The following LUZP2 variants were observed in gnomAD, a reference collection of about 807,000 sequenced individuals.
LUZP2 encodes the protein leucine zipper protein 2.
Under a neutral mutation model 51.6 loss-of-function variants are expected in LUZP2, and 52 were observed. That is an observed-to-expected ratio of 1.01 (90% confidence interval 0.81 to 1.27). The LOEUF (loss-of-function observed/expected upper bound fraction) is 1.27. Ranked by LOEUF, LUZP2 falls within the 50% of genes most tolerant of loss-of-function variation. The probability of loss-of-function intolerance (pLI) is 0.00; values close to 1 mark genes in which losing one functional copy is unlikely to be tolerated. For synonymous variants in LUZP2, 154 were observed against 137.3 expected (o/e 1.12, Z -0.85); for missense variants, 436 against 395.4 (o/e 1.10, Z -0.87).
At chr11:24,842,497 A>G (rs1183485474) in intron 5 of LUZP2, among the ~76,000 whole-genome samples, 1 of 151,906 alleles carries the variant, frequency 6.6e-6, no homozygotes, top group African/African-American at 2.4e-5. Flanking sequence ...TGCACAACCA[A>G]CAAGGCGAAT....
chr11:24,664,988 G>A (rs1282970106), intron 1 of LUZP2, among the ~76,000 whole-genome samples: 1 of 152,124 alleles, frequency 6.6e-6, no homozygotes, highest in African/African-American at 2.4e-5. Context: ...CCAGACCCCA[G>A]AATGGTACAT....
At chr11:24,688,388 C>A (rs1467575654) in intron 1 of LUZP2, among the ~76,000 whole-genome samples, 2 of 152,068 alleles carry the variant, frequency 1.3e-5, no homozygotes, top group African/African-American at 2.4e-5. Flanking sequence ...GTTTTGGAAG[C>A]ACTGGGGAAC....
intron 1 of LUZP2, among the ~76,000 whole-genome samples, chr11:24,642,671 A>G (rs1855330303): frequency 6.6e-6 from 1 of 151,872 alleles, no homozygotes; most frequent in Admixed American, 6.5e-5. Flanking sequence ...AAGAGAGTGT[A>G]AGGAAGACTT....
chr11:24,545,684 T>C (rs1192983187), intron 1 of LUZP2, among the ~76,000 whole-genome samples: 3 of 152,034 alleles, frequency 2.0e-5, no homozygotes, highest in Non-Finnish European at 2.9e-5. Context: ...TTTTGGTTGC[T>C]GTAGCACCAT....
chr11:24,663,777 T>G (rs1381232753), intron 1 of LUZP2, among the ~76,000 whole-genome samples: 1 of 152,092 alleles, frequency 6.6e-6, no homozygotes, highest in African/African-American at 2.4e-5. Context: ...GCTATTCTCG[T>G]GCTAGTAAGT....
intron 7 of LUZP2, among the ~76,000 whole-genome samples, chr11:24,916,484 C>G (rs1030396475): frequency 1.3e-5 from 2 of 152,010 alleles, no homozygotes; most frequent in Admixed American, 6.6e-5. Flanking sequence ...TCCCTCCCCC[C>G]TCCTGCCACC....
chr11:24,784,544 A>G (rs1013563020), intron 5 of LUZP2, among the ~76,000 whole-genome samples: 3 of 152,020 alleles, frequency 2.0e-5, no homozygotes, highest in African/African-American at 7.2e-5. Flanking sequence ...AACAAGATGT[A>G]TTCATTATCT....
At chr11:25,001,596 A>G (rs1277706168) in intron 9 of LUZP2, among the ~76,000 whole-genome samples, 1 of 152,224 alleles carries the variant, frequency 6.6e-6, no homozygotes, top group Non-Finnish European at 1.5e-5. Context: ...TTATAGGGTT[A>G]CAGAGAAGAC....
chr11:24,777,251 C>T (rs2134066352), intron 5 of LUZP2, among the ~76,000 whole-genome samples: 1 of 152,020 alleles, frequency 6.6e-6, no homozygotes, highest in Non-Finnish European at 1.5e-5. Flanking sequence ...CCTCGGCCTC[C>T]CAAAGTGCTG....
At chr11:24,703,870 A>AT (rs1367476629) in intron 1 of LUZP2, among the ~76,000 whole-genome samples, 3 of 151,402 alleles carry the variant, frequency 2.0e-5, no homozygotes, top group Admixed American at 2.0e-4. Flanking sequence ...ACGAACAAAA[A>AT]AAAACAGAAT....
intron 9 of LUZP2, among the ~76,000 whole-genome samples, chr11:24,999,223 T>C (rs1317296838): frequency 2.6e-5 from 4 of 152,196 alleles, no homozygotes; most frequent in African/African-American, 9.6e-5. Context: ...TAGTTCTTTA[T>C]TGACCTTCAA....
intron 1 of LUZP2, among the ~76,000 whole-genome samples, chr11:24,587,370 T>C (rs1262645726): frequency 2.0e-5 from 3 of 152,146 alleles, no homozygotes; most frequent in Non-Finnish European, 4.4e-5. Context: ...GAATTATTTT[T>C]ATTATTTTTG....
chr11:24,618,578 C>A (rs1418908392), intron 1 of LUZP2, among the ~76,000 whole-genome samples: 1 of 152,174 alleles, frequency 6.6e-6, no homozygotes, highest in Non-Finnish European at 1.5e-5. Context: ...GGAGCTTCTA[C>A]TTGTCTATAT....
intron 6 of LUZP2, among the ~76,000 whole-genome samples, chr11:24,908,392 C>G (rs1853525794): frequency 6.6e-6 from 1 of 152,092 alleles, no homozygotes; most frequent in Non-Finnish European, 1.5e-5. Flanking sequence ...AAAAGCTGAG[C>G]TAAAATATCC....
chr11:24,785,887 G>T (rs1202901123), intron 5 of LUZP2: 3 of 985,126 alleles, frequency 3.0e-6, no homozygotes, highest in Non-Finnish European at 1.2e-6. Flanking sequence ...AAAATACTTT[G>T]TTCCAAATTG....
intron 1 of LUZP2, among the ~76,000 whole-genome samples, chr11:24,645,445 T>G (rs551842702): frequency 2.0e-5 from 3 of 152,168 alleles, no homozygotes; most frequent in Non-Finnish European, 4.4e-5. Context: ...CTTTAAAATA[T>G]AGATTGGCAT....
intron 5 of LUZP2, among the ~76,000 whole-genome samples, chr11:24,864,052 G>A (rs1027637257): frequency 3.9e-5 from 6 of 152,068 alleles, no homozygotes; most frequent in African/African-American, 1.4e-4. Context: ...AAATAATGGT[G>A]TATCAGAAAA....
intron 1 of LUZP2, among the ~76,000 whole-genome samples, chr11:24,500,005 C>G (rs1208047353): frequency 1.3e-5 from 2 of 152,134 alleles, no homozygotes; most frequent in Non-Finnish European, 2.9e-5. Context: ...GAAAACAATC[C>G]TGCCTTTTAA....
At chr11:24,668,852 A>C (rs1037121935) in intron 1 of LUZP2, among the ~76,000 whole-genome samples, 2 of 152,214 alleles carry the variant, frequency 1.3e-5, no homozygotes, top group African/African-American at 4.8e-5. Flanking sequence ...GCTTTACCCA[A>C]GTAAAATCTG....
Sources: gnomAD v4.1 joint callset for allele counts (sites outside exome capture counted in the v4.1 genomes callset) on GRCh38, gnomAD v4.1.1 for gene constraint, MANE v1.5 for transcripts, NCBI Gene and HGNC (gene_info 2026-07-23, HGNC 2026-07-21) for gene names.